Variants in FRMD3 observed in about 807,000 individuals in gnomAD.
The protein encoded by FRMD3 is FERM domain-containing protein 3.
Under a neutral mutation model 70.2 loss-of-function variants are expected in FRMD3, and 33 were observed. The ratio of observed to expected loss-of-function variants is 0.47; its 90% CI spans 0.36 to 0.63. The LOEUF (loss-of-function observed/expected upper bound fraction) is 0.63. Ranked by LOEUF, FRMD3 falls within the 20% of genes least tolerant of loss-of-function variation. The pLI is 0.00. For missense variants in FRMD3, 632 were observed against 711.4 expected (o/e 0.89, Z 1.27); for synonymous variants, 279 against 255.9 (o/e 1.09, Z -0.86).
At chr9:83,429,524 C>A (rs1397139756) in intron 1 of FRMD3, among the ~76,000 whole-genome samples, 4 of 152,180 alleles carry the variant, frequency 2.6e-5, no homozygotes, top group African/African-American at 9.7e-5. Context: ...CTCTCCCACT[C>A]CCTTCTCTGC....
At chr9:83,399,654 T>C (rs1422052836) in intron 1 of FRMD3, among the ~76,000 whole-genome samples, 1 of 152,244 alleles carries the variant, frequency 6.6e-6, no homozygotes, top group East Asian at 1.9e-4. Context: ...CTAATTAACT[T>C]ATCCAAAGTC....
At chr9:83,509,508 T>A (rs1233187809) in intron 1 of FRMD3, among the ~76,000 whole-genome samples, 1 of 152,202 alleles carries the variant, frequency 6.6e-6, no homozygotes, top group African/African-American at 2.4e-5. Context: ...CAAAGCTGAA[T>A]AGCTGCTGTC....
At chr9:83,275,708 C>A (rs1412318541) in intron 13 of FRMD3, among the ~76,000 whole-genome samples, 2 of 152,182 alleles carry the variant, frequency 1.3e-5, no homozygotes, top group Non-Finnish European at 2.9e-5. Flanking sequence ...CACCCTTACA[C>A]TCAACAGCCC....
intron 3 of FRMD3, among the ~76,000 whole-genome samples, chr9:83,357,743 T>C (rs1157406686): frequency 6.6e-6 from 1 of 152,336 alleles, no homozygotes; most frequent in Middle Eastern, 3.4e-3. Context: ...GGTCTATTCA[T>C]GTCCTTAGCC....
the FRMD3 span, among the ~76,000 whole-genome samples, chr9:83,578,142 AT>A: frequency 6.6e-6 from 1 of 151,834 alleles, no homozygotes; most frequent in African/African-American, 2.4e-5. Flanking sequence ...TAAAAAAAAA[AT>A]CTGAACAGAC....
intron 13 of FRMD3, among the ~76,000 whole-genome samples, chr9:83,249,813 G>A (rs908381802): frequency 6.6e-6 from 1 of 152,194 alleles, no homozygotes; most frequent in African/African-American, 2.4e-5. Flanking sequence ...AAGTGTTGGT[G>A]AGGATGTGAA....
At chr9:83,560,506 A>C in the FRMD3 span, among the ~76,000 whole-genome samples, 13 of 152,218 alleles carry the variant, frequency 8.5e-5, no homozygotes, top group African/African-American at 2.7e-4. Context: ...CTTAGGTTAG[A>C]TCAGCTGAAC....
chr9:83,379,699 T>A (rs991918390), intron 2 of FRMD3, among the ~76,000 whole-genome samples: 5 of 152,154 alleles, frequency 3.3e-5, no homozygotes, highest in African/African-American at 4.8e-5. Context: ...TTAGGAAGGA[T>A]GCCCTCAGTT....
the FRMD3 span, among the ~76,000 whole-genome samples, chr9:83,546,544 A>G: frequency 6.6e-6 from 1 of 152,218 alleles, no homozygotes; most frequent in African/African-American, 2.4e-5. Context: ...TGTCTTCATC[A>G]TAAAAACACA....
intron 1 of FRMD3, among the ~76,000 whole-genome samples, chr9:83,502,232 G>A (rs185927129): frequency 1.1e-4 from 16 of 152,286 alleles, no homozygotes; most frequent in Non-Finnish European, 1.5e-4. Context: ...GCTGTGTACC[G>A]GGTAGTGTGC....
chr9:83,350,887 A>ATT, intron 3 of FRMD3: 1 of 455,996 alleles, frequency 2.2e-6, no homozygotes, highest in Non-Finnish European at 2.9e-6. Context: ...TGATAAATGC[A>ATT]TACCAGTGTA....
intron 8 of FRMD3, among the ~76,000 whole-genome samples, chr9:83,311,402 CTTA>C (rs1360551369): frequency 6.6e-6 from 1 of 152,148 alleles, no homozygotes; most frequent in African/African-American, 2.4e-5. Context: ...GATTAGTCCT[CTTA>C]TTTGTAAGCC....
the FRMD3 span, among the ~76,000 whole-genome samples, chr9:83,579,738 G>A: frequency 6.6e-6 from 1 of 152,026 alleles, no homozygotes; most frequent in African/African-American, 2.4e-5. Context: ...ATGGTTTTTT[G>A]GATATGGCCC....
chr9:83,282,878 A>G (rs995209573), intron 13 of FRMD3, among the ~76,000 whole-genome samples: 1 of 152,344 alleles, frequency 6.6e-6, no homozygotes, highest in African/African-American at 2.4e-5. Flanking sequence ...GATGTAAAAT[A>G]CAAAATGTTT....
At position 83,250,448 on chromosome 9, in the gene FRMD3, C is replaced by A. The variant is rs529538487; in HGVS notation, c.1196-1932G>T. On this transcript the variant is annotated intron_variant, in intron 13 of 13. Coordinates refer to ENST00000304195, the MANE Select transcript of FRMD3 (RefSeq NM_174938.6). ...CAGGATCCCTGGCAAGGCAGGAAAT[C>A]TATCTGTACATATCCCTAGGAAGGT... Among the ~76,000 whole-genome samples the A allele has an allele frequency of 6.6e-5, 10 of 152,292 alleles. No homozygotes were observed. In the East Asian group the frequency reaches 1.9e-3, roughly 29 times the overall value.
chr9:83,422,475 A>C (rs559147034), intron 1 of FRMD3, among the ~76,000 whole-genome samples: 10 of 152,358 alleles, frequency 6.6e-5, no homozygotes, highest in African/African-American at 2.4e-4. Flanking sequence ...AAGCTCCGCT[A>C]TACCTGATGA....
At chr9:83,511,004 T>C (rs1193512040) in intron 1 of FRMD3, among the ~76,000 whole-genome samples, 1 of 152,216 alleles carries the variant, frequency 6.6e-6, no homozygotes, top group Non-Finnish European at 1.5e-5. Context: ...AGGTGAATTG[T>C]ACGTTACGTG....
the FRMD3 span, among the ~76,000 whole-genome samples, chr9:83,580,563 T>C: frequency 1.3e-5 from 2 of 151,982 alleles, no homozygotes; most frequent in Non-Finnish European, 2.9e-5. Context: ...CTTTAAAAAG[T>C]TGAATTCATA....
intron 1 of FRMD3, among the ~76,000 whole-genome samples, chr9:83,452,375 G>A (rs1300400030): frequency 4.6e-5 from 7 of 151,988 alleles, no homozygotes; most frequent in East Asian, 1.9e-4. Flanking sequence ...ATCACCTGAC[G>A]TAAAAAAGAA....
Sources: gnomAD v4.1 joint callset for allele counts (sites outside exome capture counted in the v4.1 genomes callset) on GRCh38, gnomAD v4.1.1 for gene constraint, MANE v1.5 for transcripts, NCBI Gene and HGNC (gene_info 2026-07-23, HGNC 2026-07-21) for gene names.